NSUN3: variants seen among roughly 807,000 people sequenced by gnomAD.
NSUN3 encodes the protein NOP2/Sun RNA methyltransferase 3, also known as tRNA (cytosine(34)-C(5))-methyltransferase, mitochondrial.
A neutral mutation model predicts 36.8 loss-of-function variants in NSUN3; 24 were observed. That is an observed-to-expected ratio of 0.65 (90% CI 0.47 to 0.92). The LOEUF (loss-of-function observed/expected upper bound fraction) is 0.92. Ranked by LOEUF, NSUN3 falls within the 40% of genes least tolerant of loss-of-function variation. The probability of loss-of-function intolerance (pLI) is 0.00; values close to 1 mark genes in which losing one functional copy is unlikely to be tolerated. For missense variants in NSUN3, 381 were observed against 392.8 expected (o/e 0.97, Z 0.25); for synonymous variants, 146 against 145.2 (o/e 1.01, Z -0.04).
In NSUN3 at chr3:94,102,805, A is replaced by G. The variant is rs918062568; in HGVS notation, c.743+7651A>G. On this transcript the variant is annotated intron_variant, in intron 5 of 5. Coordinates refer to ENST00000314622, the MANE Select transcript of NSUN3 (RefSeq NM_022072.5). The stretch of plus-strand genomic sequence containing the variant: ...AAAATGTGTCAAATATATATTGACA[A>G]TATGAATACAATCTTGAAAATAAGA... 2.0e-5 allele frequency among the ~76,000 whole-genome samples: 3 copies of G among 152,174 alleles called. 1 individual carries two copies. The highest frequency in any genetic ancestry group is 4.4e-5 in the Non-Finnish European group (3 of 68,028).
chr3:94,064,713 CAT>C (rs1475703024), intron 2 of NSUN3, among the ~76,000 whole-genome samples, 167 bp downstream of exon 2: 2 of 152,148 alleles, frequency 1.3e-5, no homozygotes, highest in African/African-American at 4.8e-5. Context: ...TAGAATGAAT[CAT>C]AGCATGTTGG....
At chr3:94,063,320 TC>T (rs2077189513) in intron 1 of NSUN3, 182 bp downstream of exon 1, 1 of 644,916 alleles carries the variant, frequency 1.6e-6, no homozygotes, top group East Asian at 2.6e-5. Context: ...TAATGCTGAG[TC>T]CCTTCCGTCC....
chr3:94,101,710 A>G (rs949948995), intron 5 of NSUN3, among the ~76,000 whole-genome samples: 4 of 152,330 alleles, frequency 2.6e-5, no homozygotes, highest in African/African-American at 9.6e-5. Context: ...TGCCTTTATT[A>G]TCATTTCTCA....
intron 2 of NSUN3, among the ~76,000 whole-genome samples, chr3:94,082,817 A>G (rs1288140771): frequency 6.6e-6 from 1 of 152,184 alleles, no homozygotes; most frequent in African/African-American, 2.4e-5. Context: ...AGCCTGCACC[A>G]TCAATCCATA....
intron 3 of NSUN3, among the ~76,000 whole-genome samples, chr3:94,090,573 G>T (rs1431189210): frequency 6.6e-6 from 1 of 152,100 alleles, no homozygotes; most frequent in African/African-American, 2.4e-5. Flanking sequence ...TAGAGGTAAG[G>T]GATATAGAAA....
chr3:94,118,123 A>T (rs1256249272), intron 5 of NSUN3, among the ~76,000 whole-genome samples: 2 of 152,318 alleles, frequency 1.3e-5, no homozygotes, highest in East Asian at 3.9e-4. Context: ...TAAAGAAAAG[A>T]TAATTGTTTG....
intron 5 of NSUN3, among the ~76,000 whole-genome samples, chr3:94,125,271 T>C (rs2077480799): frequency 6.6e-6 from 1 of 152,238 alleles, no homozygotes; most frequent in African/African-American, 2.4e-5. Flanking sequence ...TCTTTAATTA[T>C]CTAGCAATCC....
chr3:94,089,676 A>G (rs1006695257), intron 3 of NSUN3, among the ~76,000 whole-genome samples: 2 of 152,222 alleles, frequency 1.3e-5, no homozygotes, highest in Non-Finnish European at 2.9e-5. Context: ...AGAGGGGTGC[A>G]AGACACCGGA....
At chr3:94,120,385 A>G (rs534298447) in intron 5 of NSUN3, among the ~76,000 whole-genome samples, 1 of 152,196 alleles carries the variant, frequency 6.6e-6, no homozygotes, top group South Asian at 2.1e-4. Flanking sequence ...TCATCTTTCA[A>G]AACTGAAAGT....
intron 2 of NSUN3, among the ~76,000 whole-genome samples, chr3:94,065,049 G>C (rs1560027691): frequency 1.3e-5 from 2 of 152,114 alleles, no homozygotes; most frequent in Non-Finnish European, 2.9e-5. Context: ...TAAAAATAAG[G>C]AATGTTTAAT....
Position 94,118,379 on chromosome 3 carries a change from T to C in NSUN3, c.744-7832T>C, listed in dbSNP as rs1305090316. On this transcript the variant is annotated intron_variant, in intron 5 of 5. Coordinates refer to ENST00000314622, the MANE Select transcript of NSUN3 (RefSeq NM_022072.5). ...TACTTAATCTGATCAAATAATACTT[T>C]TGCTTCTACTGTTGTTAGTCATGAC... 2.0e-5 allele frequency among the ~76,000 whole-genome samples: 3 copies of C among 152,348 alleles called. No individual in the cohort carries two copies. In the East Asian group the frequency reaches 5.8e-4, roughly 29 times the overall value.
At chr3:94,116,492 T>G (rs78481128) in intron 5 of NSUN3, among the ~76,000 whole-genome samples, 2,095 of 152,296 alleles carry the variant, frequency 0.014, 47 homozygotes, top group African/African-American at 0.047. Flanking sequence ...AGAAAACTCT[T>G]GTGGAATCCT....
intron 5 of NSUN3, among the ~76,000 whole-genome samples, chr3:94,104,719 T>C (rs1280107519): frequency 6.6e-6 from 1 of 152,228 alleles, no homozygotes; most frequent in African/African-American, 2.4e-5. Flanking sequence ...TTACATTTAT[T>C]TTAGAAAGAT....
At chr3:94,106,019 T>A (rs774194088) in intron 5 of NSUN3, among the ~76,000 whole-genome samples, 5 of 152,164 alleles carry the variant, frequency 3.3e-5, no homozygotes, top group Non-Finnish European at 7.4e-5. Flanking sequence ...GATCCTTATG[T>A]TCAATTTTAG....
At chr3:94,083,657 C>G (rs1182076469) in intron 2 of NSUN3, among the ~76,000 whole-genome samples, 1 of 152,170 alleles carries the variant, frequency 6.6e-6, no homozygotes, top group Non-Finnish European at 1.5e-5. Context: ...GAGGTACTTT[C>G]AATTTCCCAT....
intron 5 of NSUN3, among the ~76,000 whole-genome samples, chr3:94,097,734 T>C (rs765638977): frequency 3.3e-5 from 5 of 152,202 alleles, no homozygotes; most frequent in Non-Finnish European, 5.9e-5. Context: ...CCTTGACATT[T>C]GTGATCAGAG....
At chr3:94,112,104 A>G (rs1342167790) in intron 5 of NSUN3, among the ~76,000 whole-genome samples, 1 of 152,174 alleles carries the variant, frequency 6.6e-6, no homozygotes, top group Non-Finnish European at 1.5e-5. Context: ...CAGGGAGGTC[A>G]GTCTTTTGTT....
At chr3:94,070,273 G>A (rs897174404) in intron 2 of NSUN3, among the ~76,000 whole-genome samples, 11 of 152,038 alleles carry the variant, frequency 7.2e-5, no homozygotes, top group Admixed American at 2.0e-4. Flanking sequence ...ACCAGCATGG[G>A]CAATATAGCA....
chr3:94,124,148 C>CTTTTTT (rs58987431), intron 5 of NSUN3, among the ~76,000 whole-genome samples: 85 of 88,176 alleles, frequency 9.6e-4, no homozygotes, highest in Middle Eastern at 0.011. Flanking sequence ...TATTTTATTT[C>CTTTTTT]TTTTTTTTTT....
Sources: gnomAD v4.1 joint callset for allele counts (sites outside exome capture counted in the v4.1 genomes callset) on GRCh38, gnomAD v4.1.1 for gene constraint, MANE v1.5 for transcripts, NCBI Gene and HGNC (gene_info 2026-07-23, HGNC 2026-07-21) for gene names.